The following SLC4A10 variants were observed in gnomAD, a reference collection of about 807,000 sequenced individuals.
SLC4A10 encodes the protein solute carrier family 4 member 10, also known as sodium-driven chloride bicarbonate exchanger.
SLC4A10 carries 42 observed loss-of-function variants against 137.7 expected under a neutral mutation model. That is an observed-to-expected ratio of 0.30 (90% CI 0.24 to 0.39). The LOEUF is 0.39. Among genes scored for constraint, SLC4A10 ranks in the 10% least tolerant of loss-of-function variants. The pLI, the probability that SLC4A10 is intolerant of heterozygous loss-of-function variation, is 1.00. For synonymous variants in SLC4A10, 474 were observed against 464.1 expected (o/e 1.02, Z -0.27); for missense variants, 925 against 1,355.0 (o/e 0.68, Z 4.98).
rs563819502 is a variant in SLC4A10, at chr2:161,801,837, A to G, written c.131-2612A>G. ...ATATTTTCATTTTATAGATAAAGTG[A>G]AAGATAAAGTACTTTTTTTAAAGGT... On this transcript the variant is annotated intron_variant, in intron 2 of 26. Coordinates refer to ENST00000446997, the MANE Select transcript of SLC4A10 (RefSeq NM_001178015.2). 1.5e-4 allele frequency among the ~76,000 whole-genome samples: 23 copies of G among 152,242 alleles called. No individual in the cohort carries two copies. In the South Asian group the frequency reaches 4.8e-3, roughly 32 times the overall value.
intron 15 of SLC4A10, among the ~76,000 whole-genome samples, chr2:161,924,588 T>A (rs184432761): frequency 6.6e-6 from 1 of 152,330 alleles, no homozygotes; most frequent in Admixed American, 6.5e-5. Flanking sequence ...AAAAACATAT[T>A]TTCCACTTTG....
chr2:161,913,087 T>C (rs1686244144), intron 15 of SLC4A10, among the ~76,000 whole-genome samples: 1 of 152,168 alleles, frequency 6.6e-6, no homozygotes, highest in South Asian at 2.1e-4. Context: ...TAGGAAGTGC[T>C]TTGCCCATAT....
intron 1 of SLC4A10, among the ~76,000 whole-genome samples, chr2:161,630,853 A>T (rs1023308659): frequency 1.3e-5 from 2 of 151,738 alleles, no homozygotes; most frequent in Non-Finnish European, 3.0e-5. Flanking sequence ...TAAATTATCC[A>T]AGTTCACATA....
intron 1 of SLC4A10, among the ~76,000 whole-genome samples, chr2:161,755,858 C>A (rs961769840): frequency 6.6e-6 from 1 of 151,654 alleles, no homozygotes; most frequent in African/African-American, 2.4e-5. Context: ...GCAACCTCTG[C>A]CTCCCAGGTA....
At chr2:161,862,379 G>A (rs995403516) in intron 5 of SLC4A10, among the ~76,000 whole-genome samples, 1 of 151,980 alleles carries the variant, frequency 6.6e-6, no homozygotes, top group African/African-American at 2.4e-5. Context: ...TTCACTTAAT[G>A]GGGAAACAAG....
chr2:161,814,188 A>G (rs1172909648), intron 3 of SLC4A10, among the ~76,000 whole-genome samples: 2 of 152,162 alleles, frequency 1.3e-5, no homozygotes, highest in African/African-American at 2.4e-5. Flanking sequence ...GCTCAATATC[A>G]CGAATCATCA....
intron 3 of SLC4A10, among the ~76,000 whole-genome samples, chr2:161,821,409 A>G (rs563600573): frequency 5.9e-5 from 9 of 152,308 alleles, no homozygotes; most frequent in South Asian, 2.1e-4. Context: ...TCACTGCTCT[A>G]TGGTTTCAGT....
chr2:161,638,840 G>T (rs2034846608), intron 1 of SLC4A10, among the ~76,000 whole-genome samples: 1 of 147,484 alleles, frequency 6.8e-6, no homozygotes, highest in Admixed American at 6.9e-5. Flanking sequence ...CATCTCTTTG[G>T]TTAAATTTAT....
intron 1 of SLC4A10, among the ~76,000 whole-genome samples, chr2:161,667,095 C>G (rs2039134748): frequency 6.6e-6 from 1 of 151,496 alleles, no homozygotes; most frequent in African/African-American, 2.4e-5. Flanking sequence ...TTGGTGTGTT[C>G]ACCTCAATGT....
At chr2:161,746,496 C>T (rs544361727) in intron 1 of SLC4A10, among the ~76,000 whole-genome samples, 8 of 152,036 alleles carry the variant, frequency 5.3e-5, no homozygotes, top group African/African-American at 1.9e-4. Flanking sequence ...CAGGTTCCTT[C>T]TGTCTGTGGC....
chr2:161,827,192 T>TTC (rs1052462232), intron 3 of SLC4A10, among the ~76,000 whole-genome samples: 3 of 152,210 alleles, frequency 2.0e-5, no homozygotes, highest in Admixed American at 1.3e-4. Context: ...TTGAGTCTTC[T>TTC]TCTCTCTCAA....
rs1298406915 is a variant in SLC4A10, at chr2:161,879,163, A to G, written c.981A>G (p.Pro327=). 1 of 1,613,268 alleles carries G rather than the reference A, an allele frequency of 6.2e-7. No individual in the cohort carries two copies. The highest frequency in any genetic ancestry group is 8.5e-7 in the Non-Finnish European group (1 of 1,179,518). ...VDLHFMKKIP[P]GAEASNILVG... ...TGCATTTTATGAAAAAGATTCCTCC[A>G]GGTGCTGAAGCATCGAACATCTTAG... The change falls in exon 9 of 27, where the codon CCA becomes CCG. Residue 327 remains proline, a synonymous_variant. Transcript: ENST00000446997.
intron 2 of SLC4A10, among the ~76,000 whole-genome samples, chr2:161,780,007 T>C (rs887008593): frequency 3.3e-5 from 5 of 152,038 alleles, no homozygotes; most frequent in East Asian, 1.9e-4. Flanking sequence ...TTCACACTGC[T>C]ACTCAGTGTA....
chr2:161,664,365 A>G (rs2038799630), intron 1 of SLC4A10, among the ~76,000 whole-genome samples: 1 of 151,964 alleles, frequency 6.6e-6, no homozygotes, highest in Non-Finnish European at 1.5e-5. Context: ...GGTGAATTGT[A>G]TAATGTTGAT....
At position 161,980,503 on chromosome 2, in the gene SLC4A10, G is replaced by A. The variant is rs543879403; in HGVS notation, c.*27-2676G>A. On this transcript the variant is annotated intron_variant, in intron 26 of 26. Transcript: ENST00000446997. ...ATCTCTACTAAAAATACAAAAATTA[G>A]TTGGGTATGGTAACGCACACCTGTA... Among the ~76,000 whole-genome samples the A allele has an allele frequency of 1.2e-4, 19 of 152,166 alleles. No individual in the cohort carries two copies. In the South Asian group the frequency reaches 3.3e-3, roughly 27 times the overall value.
chr2:161,762,430 C>T (rs562465259), intron 1 of SLC4A10, among the ~76,000 whole-genome samples: 3 of 152,118 alleles, frequency 2.0e-5, no homozygotes, highest in Admixed American at 2.0e-4. Context: ...TTATATATTG[C>T]CCTATTTAAA....
intron 6 of SLC4A10, among the ~76,000 whole-genome samples, chr2:161,869,756 A>G (rs148599764): frequency 1.3e-5 from 2 of 151,754 alleles, no homozygotes; most frequent in South Asian, 2.1e-4. Context: ...TGCTACTTAA[A>G]CTTCGCAGGA....
At chr2:161,634,734 G>T (rs147592447) in intron 1 of SLC4A10, among the ~76,000 whole-genome samples, 4 of 151,846 alleles carry the variant, frequency 2.6e-5, no homozygotes, top group Non-Finnish European at 5.9e-5. Context: ...CTTCTTTTTA[G>T]CTATTTTGAA....
chr2:161,759,469 A>G (rs114752240), intron 1 of SLC4A10, among the ~76,000 whole-genome samples: 2,403 of 152,060 alleles, frequency 0.016, 72 homozygotes, highest in African/African-American at 0.054. Context: ...ATTTTGACCA[A>G]TATCTCCCCA....
Sources: allele counts gnomAD v4.1 joint callset (sites outside exome capture counted in the v4.1 genomes callset), GRCh38; gene constraint gnomAD v4.1.1; transcripts MANE v1.5; gene names NCBI Gene and HGNC (gene_info 2026-07-23, HGNC 2026-07-21).